Variants in STAG1 observed in about 807,000 individuals in gnomAD.
The protein encoded by STAG1 is cohesin subunit SA-1.
In STAG1, 26 loss-of-function variants were observed where a neutral mutation model predicts 170.9. That is an observed-to-expected ratio of 0.15 (90% CI 0.11 to 0.21). STAG1 has a LOEUF of 0.21. STAG1 is among the 10% of genes least tolerant of loss of function. The probability of loss-of-function intolerance (pLI) is 1.00; values close to 1 mark genes in which losing one functional copy is unlikely to be tolerated. For synonymous variants in STAG1, 514 were observed against 497.7 expected, an observed-to-expected ratio of 1.03 and a Z score of -0.44; for missense variants, 964 against 1,509.5, an observed-to-expected ratio of 0.64 and a Z score of 5.99.
chr3:136,485,276 T>G (rs2089983866), intron 9 of STAG1, among the ~76,000 whole-genome samples: 1 of 151,942 alleles, frequency 6.6e-6, no homozygotes, highest in Non-Finnish European at 1.5e-5. Flanking sequence ...GCAAACATGG[T>G]GAAACACCAT....
chr3:136,645,102 G>A (rs112174691), intron 1 of STAG1, among the ~76,000 whole-genome samples: 178 of 152,202 alleles, frequency 1.2e-3, no homozygotes, highest in African/African-American at 2.5e-3. Context: ...ATAGTGTATG[G>A]GTGATTCTGT....
At chr3:136,606,107 T>G in intron 3 of STAG1, among the ~76,000 whole-genome samples, 1 of 152,188 alleles carries the variant, frequency 6.6e-6, no homozygotes, top group Middle Eastern at 3.4e-3. Flanking sequence ...TAGTTACTCC[T>G]ATAATTAACA....
intron 23 of STAG1, 83 bp downstream of exon 23, chr3:136,377,577 T>G: frequency 9.1e-6 from 10 of 1,099,216 alleles, no homozygotes; most frequent in Non-Finnish European, 1.4e-5. Flanking sequence ...GTACAAAAAC[T>G]GCCATAAAAA....
chr3:136,415,020 A>G (rs1380865357), intron 21 of STAG1, among the ~76,000 whole-genome samples: 2 of 152,208 alleles, frequency 1.3e-5, no homozygotes, highest in Non-Finnish European at 2.9e-5. Flanking sequence ...TGGTGCCCCA[A>G]AACAATTACA....
chr3:136,563,189 G>A (rs1936912843), intron 5 of STAG1, among the ~76,000 whole-genome samples: 1 of 152,152 alleles, frequency 6.6e-6, no homozygotes, highest in African/African-American at 2.4e-5. Flanking sequence ...CTTGAAAGGA[G>A]ACATTTTGAG....
At chr3:136,679,602 G>A (rs1440996439) in intron 1 of STAG1, among the ~76,000 whole-genome samples, 2 of 152,054 alleles carry the variant, frequency 1.3e-5, no homozygotes, top group African/African-American at 4.8e-5. Context: ...GGTGGTGGGC[G>A]CCTGTAGTCC....
At chr3:136,632,727 G>C (rs1338598334) in intron 1 of STAG1, among the ~76,000 whole-genome samples, 2 of 152,060 alleles carry the variant, frequency 1.3e-5, no homozygotes, top group Non-Finnish European at 2.9e-5. Context: ...AAGGCTAAAA[G>C]CATGGTCAGA....
At chr3:136,395,487 G>A (rs1400033800) in intron 22 of STAG1, among the ~76,000 whole-genome samples, 3 of 152,074 alleles carry the variant, frequency 2.0e-5, no homozygotes, top group Non-Finnish European at 4.4e-5. Context: ...CGGGCATGGT[G>A]GCATGCGCCT....
chr3:136,343,403 T>G (rs1490920320), intron 30 of STAG1, among the ~76,000 whole-genome samples: 2 of 152,222 alleles, frequency 1.3e-5, no homozygotes, highest in Admixed American at 6.5e-5. Flanking sequence ...AAGTTTGAGT[T>G]TAAAATGTAA....
intron 1 of STAG1, among the ~76,000 whole-genome samples, chr3:136,652,271 G>A (rs570066375): frequency 1.3e-4 from 20 of 152,254 alleles, no homozygotes; most frequent in African/African-American, 4.3e-4. Flanking sequence ...AAGGGCTAAC[G>A]CACTTGTAGA....
chr3:136,736,677 C>T (rs1449812948), intron 1 of STAG1: 43 of 1,604,444 alleles, frequency 2.7e-5, no homozygotes, highest in Admixed American at 2.2e-4. Context: ...AATCTCTTCT[C>T]CCCTTTGTCG....
intron 16 of STAG1, among the ~76,000 whole-genome samples, chr3:136,429,466 G>A (rs1424997553): frequency 6.6e-6 from 1 of 152,160 alleles, no homozygotes; most frequent in Admixed American, 6.5e-5. Flanking sequence ...GGAGATGAGT[G>A]CTTCTGAACT....
At chr3:136,359,534 A>G (rs1274704257) in intron 26 of STAG1, among the ~76,000 whole-genome samples, 1 of 152,168 alleles carries the variant, frequency 6.6e-6, no homozygotes, top group African/African-American at 2.4e-5. Flanking sequence ...TAATAATAAA[A>G]AAACACATTC....
chr3:136,456,266 G>C (rs2089108914), intron 13 of STAG1, among the ~76,000 whole-genome samples: 1 of 151,906 alleles, frequency 6.6e-6, no homozygotes, highest in African/African-American at 2.4e-5. Flanking sequence ...AATCCAAATA[G>C]AAAACTAAAT....
chr3:136,584,568 T>C (rs907153904), intron 4 of STAG1, among the ~76,000 whole-genome samples: 13 of 152,194 alleles, frequency 8.5e-5, no homozygotes, highest in African/African-American at 3.1e-4. Flanking sequence ...GCTTTGTTTC[T>C]TGGTTCAGTG....
intron 6 of STAG1, among the ~76,000 whole-genome samples, chr3:136,541,388 G>A (rs1935891339): frequency 6.6e-6 from 1 of 152,018 alleles, no homozygotes; most frequent in African/African-American, 2.4e-5. Context: ...AAATGTTTCT[G>A]CATTTACAAT....
intron 1 of STAG1, among the ~76,000 whole-genome samples, chr3:136,649,205 G>A (rs1010320747): frequency 2.0e-5 from 3 of 151,272 alleles, no homozygotes; most frequent in Non-Finnish European, 4.4e-5. Context: ...TGAAAGGCCA[G>A]GGGCGGTGGC....
At chr3:136,549,278 G>A (rs1202348586) in intron 5 of STAG1, among the ~76,000 whole-genome samples, 2 of 151,898 alleles carry the variant, frequency 1.3e-5, no homozygotes, top group African/African-American at 2.4e-5. Context: ...ATTGATTGAT[G>A]AATTGTAACA....
At chr3:136,422,319 CATTTTAAA>C in intron 19 of STAG1, 83 bp downstream of exon 19, 1 of 1,242,870 alleles carries the variant, frequency 8.0e-7, no homozygotes, top group Non-Finnish European at 1.1e-6. Context: ...TACTCAATTT[CATTTTAAA>C]ATGAAAATGA....
Sources: gnomAD v4.1 joint callset for allele counts (sites outside exome capture counted in the v4.1 genomes callset) on GRCh38, gnomAD v4.1.1 for gene constraint, MANE v1.5 for transcripts, NCBI Gene and HGNC (gene_info 2026-07-23, HGNC 2026-07-21) for gene names.